The following CACNA1C variants were observed in gnomAD, a reference collection of about 807,000 sequenced individuals.
CACNA1C encodes the protein calcium voltage-gated channel subunit alpha1 C.
Under a neutral mutation model 229.0 loss-of-function variants are expected in CACNA1C, and 30 were observed. That is an observed-to-expected ratio of 0.13 (90% CI 0.10 to 0.18). The LOEUF is 0.18. CACNA1C is among the 10% of genes least tolerant of loss of function. CACNA1C has a pLI of 1.00. For missense variants in CACNA1C, 1,658 were observed against 2,845.0 expected (o/e 0.58, Z 9.49); for synonymous variants, 1,114 against 1,132.5 (o/e 0.98, Z 0.33).
intron 1 of CACNA1C, among the ~76,000 whole-genome samples, chr12:1,984,727 T>C (rs2037146417): frequency 6.7e-6 from 1 of 148,206 alleles, no homozygotes; most frequent in East Asian, 2.0e-4. Flanking sequence ...ATATTATTCC[T>C]TCCAGCCTGA....
intron 9 of CACNA1C, among the ~76,000 whole-genome samples, chr12:2,537,277 G>A (rs181081854): frequency 5.9e-5 from 9 of 152,318 alleles, no homozygotes; most frequent in Admixed American, 1.3e-4. Flanking sequence ...AGATCTACCC[G>A]GGTTCAAATC....
chr12:2,554,794 G>A (rs2043162719), intron 10 of CACNA1C, among the ~76,000 whole-genome samples: 1 of 152,200 alleles, frequency 6.6e-6, no homozygotes, highest in South Asian at 2.1e-4. Flanking sequence ...AGCTCCCCAT[G>A]GGCATGGAGT....
intron 11 of CACNA1C, among the ~76,000 whole-genome samples, chr12:2,562,679 G>A (rs868247818): frequency 5.3e-5 from 8 of 152,210 alleles, no homozygotes; most frequent in Non-Finnish European, 1.0e-4. Flanking sequence ...ATCCAGGGCA[G>A]TATGTCTGGG....
chr12:2,313,987 T>A (rs1454219808), intron 3 of CACNA1C, among the ~76,000 whole-genome samples: 1 of 152,250 alleles, frequency 6.6e-6, no homozygotes, highest in Non-Finnish European at 1.5e-5. Flanking sequence ...TGCCTGCTGC[T>A]GGCGGTGCCT....
intron 3 of CACNA1C, among the ~76,000 whole-genome samples, chr12:2,264,558 C>T (rs546704898): frequency 4.6e-5 from 7 of 152,308 alleles, no homozygotes; most frequent in African/African-American, 1.4e-4. Flanking sequence ...GAGCATTTTC[C>T]TAAATGCTGT....
chr12:2,459,861 G>A (rs2099487594), intron 5 of CACNA1C, among the ~76,000 whole-genome samples: 1 of 152,114 alleles, frequency 6.6e-6, no homozygotes, highest in Non-Finnish European at 1.5e-5. Context: ...ATTTATTAGG[G>A]GCCTGCAATT....
intron 14 of CACNA1C, 84 bp downstream of exon 14, chr12:2,581,881 T>C (rs1380030666): frequency 6.0e-6 from 5 of 834,380 alleles, no homozygotes; most frequent in Non-Finnish European, 5.9e-6. Flanking sequence ...CTGCACCCTT[T>C]TACCGGGCAG....
chr12:2,498,982 C>T (rs1336965197), intron 7 of CACNA1C, among the ~76,000 whole-genome samples: 1 of 152,162 alleles, frequency 6.6e-6, no homozygotes, highest in East Asian at 1.9e-4. Flanking sequence ...ATTTTGTTGG[C>T]TTGCCTTGGT....
chr12:2,687,342 T>C (rs1466625269), intron 45 of CACNA1C, among the ~76,000 whole-genome samples: 3 of 152,164 alleles, frequency 2.0e-5, no homozygotes, highest in Non-Finnish European at 4.4e-5. Flanking sequence ...CATCTCTTTC[T>C]CCTCCTGTAC....
At chr12:2,235,976 A>G (rs1373664377) in intron 3 of CACNA1C, among the ~76,000 whole-genome samples, 1 of 152,236 alleles carries the variant, frequency 6.6e-6, no homozygotes, top group Admixed American at 6.5e-5. Flanking sequence ...TCCCTGTTTT[A>G]TAAATGAGAA....
rs543673102 is a variant in CACNA1C at position 2,476,458 on chromosome 12, A to T, written c.758-9646A>T. Among the ~76,000 whole-genome samples the T allele has an allele frequency of 7.2e-5, 11 of 152,350 alleles. No homozygotes were observed. The South Asian group carries it at 1.5e-3, about 20-fold the overall frequency. On this transcript the variant is annotated intron_variant, in intron 5 of 46. Coordinates refer to ENST00000399655, the MANE Select transcript of CACNA1C (RefSeq NM_000719.7). ...CTGTATTAAGACGGCTGGGGAATTA[A>T]ATGAAACAATGTATGTAAAGCACTT...
intron 1 of CACNA1C, among the ~76,000 whole-genome samples, chr12:2,076,202 G>A (rs1227081538): frequency 2.0e-5 from 3 of 152,206 alleles, no homozygotes; most frequent in East Asian, 1.9e-4. Context: ...TTTCTCCAAC[G>A]TGCTCACATG....
At position 2,634,930 on chromosome 12, in the gene CACNA1C, G is replaced by A. The variant is rs559204817; in HGVS notation, c.3912+550G>A. On this transcript the variant is annotated intron_variant, in intron 30 of 46. Transcript: ENST00000399655. ...TCGCCCAAGGACCACCCATGATCTC[G>A]GGTTGAATGGGCTCTGTTTTCATTT... is the stretch of plus-strand genomic sequence containing the variant. Among the ~76,000 whole-genome samples the A allele has an allele frequency of 3.9e-5, 6 of 152,260 alleles. No individual in the cohort carries two copies. In the East Asian group the frequency reaches 7.7e-4, roughly 20 times the overall value.
intron 9 of CACNA1C, among the ~76,000 whole-genome samples, chr12:2,546,540 C>G (rs1294577547): frequency 4.6e-5 from 7 of 152,182 alleles, no homozygotes; most frequent in Admixed American, 2.0e-4. Flanking sequence ...CGTGCAGTAG[C>G]TGGGGTCTTC....
chr12:2,440,988 A>G (rs1440909448), intron 3 of CACNA1C, among the ~76,000 whole-genome samples: 4 of 152,202 alleles, frequency 2.6e-5, no homozygotes, highest in African/African-American at 9.6e-5. Flanking sequence ...TCTCAGACAG[A>G]GAATAGGCAG....
chr12:2,446,670 T>C (rs765220304), intron 3 of CACNA1C, among the ~76,000 whole-genome samples: 1 of 148,052 alleles, frequency 6.8e-6, no homozygotes, highest in Non-Finnish European at 1.5e-5. Flanking sequence ...GGTAGAAAGA[T>C]AGATGAATGG....
chr12:2,089,902 G>A (rs146470551), intron 1 of CACNA1C, among the ~76,000 whole-genome samples: 2,460 of 152,140 alleles, frequency 0.016, 61 homozygotes, highest in African/African-American at 0.056. Context: ...GGTGGCAGGC[G>A]CCTGTAGTCC....
At chr12:2,041,522 C>T (rs570508580) in intron 1 of CACNA1C, among the ~76,000 whole-genome samples, 8 of 152,086 alleles carry the variant, frequency 5.3e-5, no homozygotes, top group Admixed American at 6.5e-5. Flanking sequence ...GTGATCTGCC[C>T]GCCTCGGCCT....
chr12:2,175,619 C>T (rs1164633405), intron 3 of CACNA1C, among the ~76,000 whole-genome samples: 2 of 152,176 alleles, frequency 1.3e-5, no homozygotes, highest in Non-Finnish European at 2.9e-5. Flanking sequence ...TCAGCCTTTC[C>T]CCTGATGGTT....
Sources: gnomAD v4.1 joint callset for allele counts (sites outside exome capture counted in the v4.1 genomes callset) on GRCh38, gnomAD v4.1.1 for gene constraint, MANE v1.5 for transcripts, NCBI Gene and HGNC (gene_info 2026-07-23, HGNC 2026-07-21) for gene names.